Variants in IL4R observed in about 807,000 individuals in gnomAD.
The protein encoded by IL4R is interleukin 4 receptor, also known as interleukin-4 receptor subunit alpha.
In IL4R, 17 loss-of-function variants were observed where a neutral mutation model predicts 41.5. The ratio of observed to expected loss-of-function variants is 0.41; its 90% CI spans 0.28 to 0.61. IL4R has a LOEUF of 0.61. Among genes scored for constraint, IL4R ranks in the 20% least tolerant of loss-of-function variants. The pLI is 0.31. For synonymous variants in IL4R, 402 were observed against 422.9 expected (o/e 0.95, Z 0.61); for missense variants, 974 against 1,043.1 (o/e 0.93, Z 0.91).
At chr16:27,334,516 G>C (rs2085199728) in intron 2 of IL4R, 1 of 152,128 alleles carries the variant, frequency 6.6e-6, no homozygotes, top group Non-Finnish European at 1.5e-5. Flanking sequence ...TGACTCCCCT[G>C]TTTCCCTGGA....
Position 27,360,075 on chromosome 16 carries a change from C to T in IL4R, c.850-691C>T, listed in dbSNP as rs537785721. On this transcript the variant is annotated intron_variant, in intron 9 of 10. Transcript: ENST00000395762. ...CTCTTATTGCCCAGGAGTGCAATGGCGTGATCTTGGCTCACTGCAACCTCT... is the reference window on the plus strand; with the variant it reads ...CTCTTATTGCCCAGGAGTGCAATGGTGTGATCTTGGCTCACTGCAACCTCT... 1.8e-3 allele frequency among the ~76,000 whole-genome samples: 277 copies of T among 151,454 alleles called. 2 individuals carry two copies. Among genetic ancestry groups the T allele is most frequent in the African/African-American group, 6.4e-3 (262 of 41,212 alleles).
At chr16:27,321,983 A>AT (rs919013612) in intron 1 of IL4R, among the ~76,000 whole-genome samples, 3 of 151,370 alleles carry the variant, frequency 2.0e-5, no homozygotes, top group Admixed American at 2.0e-4. Flanking sequence ...TTTTCTGGTC[A>AT]TTTTTTTCCT....
chr16:27,341,471 G>A (rs1278331727), intron 3 of IL4R, among the ~76,000 whole-genome samples: 2 of 152,172 alleles, frequency 1.3e-5, no homozygotes, highest in Non-Finnish European at 2.9e-5. Flanking sequence ...GAGCATGGAG[G>A]CGCCTGAGTG....
At chr16:27,313,781 C>CGG (rs1555483229), upstream of IL4R, 1,722 of 388,184 alleles carry the variant, frequency 4.4e-3, 29 homozygotes, top group African/African-American at 0.035. Context: ...CTCGGACTGT[C>CGG]CGGCGGCGGC....
At chr16:27,336,016 A>T (rs532275463) in intron 2 of IL4R, among the ~76,000 whole-genome samples, 2 of 152,112 alleles carry the variant, frequency 1.3e-5, no homozygotes, top group South Asian at 4.1e-4. Context: ...GGGGTAATTT[A>T]TTCATTATGG....
intron 9 of IL4R, among the ~76,000 whole-genome samples, chr16:27,360,384 GC>G (rs899278975): frequency 1.3e-5 from 2 of 152,196 alleles, no homozygotes; most frequent in African/African-American, 4.8e-5. Flanking sequence ...CAGCAGGCCG[GC>G]CCAGGCTTGT....
At chr16:27,354,414 G>A (rs1419655886) in intron 7 of IL4R, among the ~76,000 whole-genome samples, 1 of 152,190 alleles carries the variant, frequency 6.6e-6, no homozygotes, top group East Asian at 1.9e-4. Context: ...AGTGTACCTT[G>A]TGCATCTCTT....
At chr16:27,344,013 C>T (rs1443174385) in intron 4 of IL4R, among the ~76,000 whole-genome samples, 2 of 152,058 alleles carry the variant, frequency 1.3e-5, no homozygotes, top group Non-Finnish European at 2.9e-5. Context: ...CAAAATTGCA[C>T]TTGTAAGGCC....
At chr16:27,355,999 C>A in intron 8 of IL4R, 92 bp downstream of exon 8, 1 of 800,420 alleles carries the variant, frequency 1.2e-6, no homozygotes, top group South Asian at 1.4e-5. Context: ...GCAGTCCTCT[C>A]AGTCAATAAT....
intron 6 of IL4R, among the ~76,000 whole-genome samples, chr16:27,349,353 A>T (rs1480642917): frequency 6.6e-6 from 1 of 152,214 alleles, no homozygotes; most frequent in African/African-American, 2.4e-5. Flanking sequence ...TTCCAGAAAG[A>T]AACATTAGGA....
intron 7 of IL4R, chr16:27,355,517 C>A: frequency 2.6e-6 from 1 of 387,336 alleles, no homozygotes; most frequent in Non-Finnish European, 4.9e-6. Flanking sequence ...CCATCCGGCT[C>A]CTAAGTTGGT....
At chr16:27,343,249 G>A (rs2085502216) in intron 4 of IL4R, among the ~76,000 whole-genome samples, 1 of 152,208 alleles carries the variant, frequency 6.6e-6, no homozygotes, top group Non-Finnish European at 1.5e-5. Context: ...TTATTCTAAG[G>A]TAGATGGGCT....
At chr16:27,359,939 G>A (rs1203415233) in intron 9 of IL4R, 3 of 407,114 alleles carry the variant, frequency 7.4e-6, no homozygotes, top group African/African-American at 6.1e-5. Flanking sequence ...GGGGAGGCTG[G>A]GCTGGGCTGG....
At chr16:27,347,754 G>A (rs1241953114) in intron 6 of IL4R, among the ~76,000 whole-genome samples, 1 of 152,186 alleles carries the variant, frequency 6.6e-6, no homozygotes, top group African/African-American at 2.4e-5. Context: ...AATGCCTGCT[G>A]TGCCACTCGC....
At chr16:27,319,189 G>A (rs2084737192) in intron 1 of IL4R, among the ~76,000 whole-genome samples, 1 of 152,268 alleles carries the variant, frequency 6.6e-6, no homozygotes, top group Non-Finnish European at 1.5e-5. Context: ...GGAAGCTGGT[G>A]TGGTTGGATG....
chr16:27,327,975 G>C (rs2085007132), intron 1 of IL4R, among the ~76,000 whole-genome samples: 2 of 151,912 alleles, frequency 1.3e-5, no homozygotes, highest in Non-Finnish European at 2.9e-5. Context: ...ACTATGGGAG[G>C]CTGAGGCAGG....
intron 8 of IL4R, among the ~76,000 whole-genome samples, chr16:27,358,655 T>C (rs1369596799): frequency 1.3e-5 from 2 of 152,188 alleles, no homozygotes; most frequent in African/African-American, 2.4e-5. Context: ...GGTAACAGAA[T>C]GCGGGAGTGT....
Position 27,340,391 on chromosome 16 carries a change from A to C in IL4R, c.70+118A>C, listed in dbSNP as rs2085402914. ...GCAGTGGGAGGGGACAGCCAATGACAAGTGGCCCTGATTATCAGTAAATTC... is the reference window on the plus strand; with the variant it reads ...GCAGTGGGAGGGGACAGCCAATGACCAGTGGCCCTGATTATCAGTAAATTC... On this transcript the variant is annotated intron_variant, in intron 3 of 10. Coordinates refer to ENST00000395762, the MANE Select transcript of IL4R (RefSeq NM_000418.4). The C allele has an allele frequency of 5.5e-6, 4 of 732,024 alleles. No individual in the cohort carries two copies. The Admixed American group carries it at 9.1e-5, about 17-fold the overall frequency. The allele number at this position is 732,024 out of a possible 1,614,324, so 45.3% of individuals were successfully genotyped here.
At chr16:27,313,868 T>G (rs1308317583), upstream of IL4R, 1 of 969,946 alleles carries the variant, frequency 1.0e-6, no homozygotes, top group Non-Finnish European at 1.2e-6. Context: ...CATGCAAATC[T>G]GCCGGGCGCC....
Sources: allele counts gnomAD v4.1 joint callset (sites outside exome capture counted in the v4.1 genomes callset), GRCh38; gene constraint gnomAD v4.1.1; transcripts MANE v1.5; gene names NCBI Gene and HGNC (gene_info 2026-07-23, HGNC 2026-07-21).